The following MCC variants were observed in gnomAD, a reference collection of about 807,000 sequenced individuals.
MCC encodes the protein colorectal mutant cancer protein.
A neutral mutation model predicts 116.2 loss-of-function variants in MCC; 90 were observed. The observed-to-expected ratio is 0.77, with a 90% confidence interval of 0.65 to 0.92. The LOEUF is 0.92. MCC is among the 40% of genes least tolerant of loss of function. The pLI is 0.00. For missense variants in MCC, 1,516 were observed against 1,312.2 expected, an observed-to-expected ratio of 1.16 and a Z score of -2.40; for synonymous variants, 578 against 510.5, an observed-to-expected ratio of 1.13 and a Z score of -1.78.
chr5:113,411,118 A>G (rs1328423361), intron 1 of MCC, among the ~76,000 whole-genome samples: 1 of 152,180 alleles, frequency 6.6e-6, no homozygotes, highest in East Asian at 1.9e-4. Context: ...TTCGGTATAT[A>G]ACCAGTAATG....
chr5:113,444,434 T>C (rs1180029113), intron 1 of MCC, among the ~76,000 whole-genome samples: 1 of 152,230 alleles, frequency 6.6e-6, no homozygotes, highest in Non-Finnish European at 1.5e-5. Flanking sequence ...TTCAAGTTAC[T>C]GGATTGAGTT....
At chr5:113,441,506 A>G (rs1035100985) in intron 1 of MCC, among the ~76,000 whole-genome samples, 15 of 148,068 alleles carry the variant, frequency 1.0e-4, no homozygotes, top group African/African-American at 3.9e-4. Context: ...TGTTTTGTAC[A>G]GCACTTTTTT....
At chr5:113,400,553 C>T (rs116405408) in intron 1 of MCC, among the ~76,000 whole-genome samples, 4 of 152,294 alleles carry the variant, frequency 2.6e-5, no homozygotes, top group Admixed American at 6.5e-5. Context: ...AAGACTCAGC[C>T]TATCTTCACA....
chr5:113,318,554 A>G (rs1344980151), intron 3 of MCC, among the ~76,000 whole-genome samples: 2 of 152,220 alleles, frequency 1.3e-5, no homozygotes, highest in East Asian at 3.9e-4. Flanking sequence ...GCTGGAGGCC[A>G]TTACCCTTAG....
chr5:113,233,308 A>G (rs573783365), intron 3 of MCC, among the ~76,000 whole-genome samples: 1 of 152,334 alleles, frequency 6.6e-6, no homozygotes, highest in Admixed American at 6.5e-5. Flanking sequence ...AAAGTTGCCA[A>G]AAGGTTTGAT....
intron 3 of MCC, among the ~76,000 whole-genome samples, chr5:113,154,820 T>C (rs1760082848): frequency 1.3e-5 from 2 of 152,234 alleles, no homozygotes; most frequent in South Asian, 4.1e-4. Context: ...GATGCATGCA[T>C]ACAATGTGTA....
intron 1 of MCC, among the ~76,000 whole-genome samples, chr5:113,469,393 C>T (rs1772013643): frequency 6.6e-6 from 1 of 152,054 alleles, no homozygotes. Context: ...TCTTTGTTCT[C>T]GTTGGTTTCA....
intron 3 of MCC, among the ~76,000 whole-genome samples, chr5:113,236,226 T>C (rs1764124910): frequency 6.6e-6 from 1 of 152,196 alleles, no homozygotes; most frequent in South Asian, 2.1e-4. Flanking sequence ...ATTGCTGCAT[T>C]TGCAGCATAA....
intron 1 of MCC, among the ~76,000 whole-genome samples, chr5:113,476,256 A>T (rs1260545071): frequency 6.6e-6 from 1 of 152,220 alleles, no homozygotes; most frequent in African/African-American, 2.4e-5. Context: ...GGAAAAGAAG[A>T]ACAAAGTTGG....
intron 11 of MCC, among the ~76,000 whole-genome samples, chr5:113,075,531 G>C (rs1306136091): frequency 6.6e-6 from 1 of 152,230 alleles, no homozygotes; most frequent in Non-Finnish European, 1.5e-5. Flanking sequence ...GAACTTTTAA[G>C]TCTAGCTGGA....
At chr5:113,451,925 A>G (rs1424420299) in intron 1 of MCC, among the ~76,000 whole-genome samples, 3 of 152,214 alleles carry the variant, frequency 2.0e-5, no homozygotes, top group African/African-American at 7.2e-5. Flanking sequence ...CTTTTGCTCT[A>G]CATCATGTCC....
chr5:113,148,220 A>T (rs1759643117), intron 4 of MCC, among the ~76,000 whole-genome samples: 1 of 152,236 alleles, frequency 6.6e-6, no homozygotes, highest in Non-Finnish European at 1.5e-5. Context: ...CCCGTATTCA[A>T]TTTGGGAAGA....
At chr5:113,223,054 C>T (rs1236655888) in intron 3 of MCC, among the ~76,000 whole-genome samples, 1 of 152,162 alleles carries the variant, frequency 6.6e-6, no homozygotes, top group Middle Eastern at 3.2e-3. Flanking sequence ...ATGTGTATCC[C>T]AGGCAGCCAG....
At chr5:113,145,766 ACACACACACACACACACAAAC>A (rs1561399905) in intron 4 of MCC, among the ~76,000 whole-genome samples, 7 of 48,034 alleles carry the variant, frequency 1.5e-4, no homozygotes, top group Non-Finnish European at 1.7e-4. Flanking sequence ...ACACACACAC[ACACACACACACACACACAAAC>A]ACACACACAC....
rs147352243 is a variant in MCC, at chr5:113,133,923, G to A, written c.884+9295C>T. On this transcript the variant is annotated intron_variant, in intron 5 of 18. Transcript: ENST00000408903. ...TGAGCAATGTCTATTCAGATCTTTC[G>A]CTAATCTTTTGCTAAAAAAAATCAG... Among the ~76,000 whole-genome samples, 446 of 152,148 alleles carry A rather than the reference G, an allele frequency of 2.9e-3. 1 individual carries two copies. The highest frequency in any genetic ancestry group is 0.01 in the African/African-American group (430 of 41,512).
chr5:113,476,956 C>T (rs1242564185), intron 1 of MCC, among the ~76,000 whole-genome samples: 5 of 152,094 alleles, frequency 3.3e-5, no homozygotes, highest in East Asian at 3.9e-4. Context: ...TGTGAAAAGC[C>T]GCATTGAGTA....
intron 3 of MCC, among the ~76,000 whole-genome samples, chr5:113,237,846 ACTGAAAAACAATCAGAGTCATCTCATGC>A (rs1420425480): frequency 1.3e-5 from 2 of 152,244 alleles, no homozygotes; most frequent in African/African-American, 2.4e-5. Flanking sequence ...AGGCAAGAAC[ACTGAAAAACAATCAGAGTCATCTCATGC>A]CTGAAGTATC....
At position 113,027,402 on chromosome 5, in the gene MCC, A is replaced by G. The variant is rs549434303; in HGVS notation, c.2960T>C (p.Met987Thr). The change falls in exon 19 of 19, where the codon ATG becomes ACG. Residue 987 changes from methionine to threonine, a missense_variant. Physicochemically the swap from Met to Thr is moderately conservative, Grantham distance 81 (BLOSUM62 -1). Coordinates refer to ENST00000408903, the MANE Select transcript of MCC (RefSeq NM_001085377.2). ...CACTTGGGTCTCATGTCTCTCCACC[A>G]TGGCCATCATCTGCGACTCTAACTT... is the stretch of plus-strand genomic sequence containing the variant. ...LKKLESQMMA[M>T]VERHETQVRM... The G allele has an allele frequency of 1.2e-6, 2 of 1,614,062 alleles. No homozygotes were observed. Among genetic ancestry groups the G allele is most frequent in the African/African-American group, 1.3e-5 (1 of 75,012 alleles).
intron 3 of MCC, among the ~76,000 whole-genome samples, chr5:113,337,969 C>A (rs944537347): frequency 6.6e-6 from 1 of 152,110 alleles, no homozygotes; most frequent in Non-Finnish European, 1.5e-5. Context: ...TTAAAACAAC[C>A]ATCATGTATC....
Sources: gnomAD v4.1 joint callset for allele counts (sites outside exome capture counted in the v4.1 genomes callset) on GRCh38, gnomAD v4.1.1 for gene constraint, MANE v1.5 for transcripts, NCBI Gene and HGNC (gene_info 2026-07-23, HGNC 2026-07-21) for gene names.